Variants in BAZ1B observed in about 807,000 individuals in gnomAD.
BAZ1B encodes tyrosine-protein kinase BAZ1B.
BAZ1B carries 22 observed loss-of-function variants against 153.8 expected under a neutral mutation model. The observed-to-expected ratio is 0.14, with a 90% CI of 0.10 to 0.20. BAZ1B has a LOEUF of 0.20. Ranked by LOEUF, BAZ1B falls within the 10% of genes least tolerant of loss-of-function variation. The pLI is 1.00. For synonymous variants in BAZ1B, 676 were observed against 633.4 expected, an observed-to-expected ratio of 1.07 and a Z score of -1.01; for missense variants, 1,325 against 1,799.3, an observed-to-expected ratio of 0.74 and a Z score of 4.77.
chr7:73,454,165 A>G (rs1788113817), intron 13 of BAZ1B, among the ~76,000 whole-genome samples: 1 of 151,620 alleles, frequency 6.6e-6, no homozygotes, highest in Non-Finnish European at 1.5e-5. Context: ...TAAATAAATA[A>G]AAATTTAAAA....
chr7:73,461,819 G>A (rs1164669367), intron 12 of BAZ1B, among the ~76,000 whole-genome samples: 1 of 152,218 alleles, frequency 6.6e-6, no homozygotes, highest in African/African-American at 2.4e-5. Flanking sequence ...GCTGGGTGAG[G>A]TGGCTCATGC....
At chr7:73,501,553 A>G (rs1165919041) in intron 3 of BAZ1B, among the ~76,000 whole-genome samples, 1 of 152,154 alleles carries the variant, frequency 6.6e-6, no homozygotes, top group Non-Finnish European at 1.5e-5. Flanking sequence ...GATAGAGGCC[A>G]GGTATGCTGC....
rs782817800 is a variant in BAZ1B at position 73,476,955 on chromosome 7, CAGCTTCTGT to C, written c.2497_2505del (p.Thr833_Ala835del). On this transcript the variant is annotated inframe_deletion, in exon 7 of 20. Coordinates refer to ENST00000339594, the MANE Select transcript of BAZ1B (RefSeq NM_032408.4). ...CTCTTCACAGCACTAATCATGTCTT[CAGCTTCTGT>C]ATCTACTTGGGGCTCAAACTTCACA... is the stretch of plus-strand genomic sequence containing the variant. 6.8e-6 allele frequency: 11 copies of C among 1,614,212 alleles called. No individual in the cohort carries two copies. The South Asian group carries it at 8.8e-5, about 13-fold the overall frequency.
chr7:73,461,134 C>A (rs1380042929), intron 12 of BAZ1B, among the ~76,000 whole-genome samples: 1 of 151,988 alleles, frequency 6.6e-6, no homozygotes, highest in Non-Finnish European at 1.5e-5. Flanking sequence ...TGCCACCATA[C>A]CCAGCTAATT....
chr7:73,512,873 A>C (rs886451392), intron 1 of BAZ1B, among the ~76,000 whole-genome samples: 1 of 152,202 alleles, frequency 6.6e-6, no homozygotes. Flanking sequence ...GTATCTCCTG[A>C]GCTCAAGAGA....
chr7:73,521,173 C>G (rs1791021514), intron 1 of BAZ1B, among the ~76,000 whole-genome samples: 1 of 152,190 alleles, frequency 6.6e-6, no homozygotes, highest in South Asian at 2.1e-4. Context: ...TGTGTCTGCC[C>G]AGGGAAGGCA....
At chr7:73,459,403 ACAC>A in intron 13 of BAZ1B, 130 bp downstream of exon 13, 1 of 823,756 alleles carries the variant, frequency 1.2e-6, no homozygotes, top group Non-Finnish European at 1.8e-6. Context: ...AAAAAAAAAA[ACAC>A]ACACACACAC....
Position 73,470,074 on chromosome 7 carries a change from C to A in BAZ1B, c.2732+271G>T, listed in dbSNP as rs193206448. On this transcript the variant is annotated intron_variant, in intron 8 of 19. Transcript: ENST00000339594. The stretch of plus-strand genomic sequence containing the variant: ...AAATGTATGTATTTAAAACCTACTG[C>A]CATTTTTAAAGACTTGGATTACATT... Among the ~76,000 whole-genome samples the A allele has an allele frequency of 8.7e-4, 133 of 152,172 alleles. 1 individual carries two copies. The highest frequency in any genetic ancestry group is 8.7e-3 in the Admixed American group (133 of 15,276).
At chr7:73,462,342 T>TA in intron 12 of BAZ1B, 1 of 154,096 alleles carries the variant, frequency 6.5e-6, no homozygotes, top group African/African-American at 2.4e-5. Context: ...TTAAAATCAG[T>TA]AAAAAACGGT....
chr7:73,501,611 C>CTAAAGTTTGT (rs1790136528), intron 3 of BAZ1B, among the ~76,000 whole-genome samples: 1 of 152,106 alleles, frequency 6.6e-6, no homozygotes, highest in Non-Finnish European at 1.5e-5. Context: ...ATCATCTGTC[C>CTAAAGTTTGT]TAAAGTTTGT....
At chr7:73,463,148 A>T in intron 11 of BAZ1B, 49 bp from the exon 12 acceptor site, 1 of 1,483,242 alleles carries the variant, frequency 6.7e-7, no homozygotes, top group Non-Finnish European at 9.1e-7. Flanking sequence ...ACTTTTGAAG[A>T]TGTTCTTCAA....
intron 12 of BAZ1B, among the ~76,000 whole-genome samples, chr7:73,461,009 CTT>C (rs781804388): frequency 1.3e-5 from 2 of 151,318 alleles, no homozygotes; most frequent in African/African-American, 4.9e-5. Context: ...GAGTTTTGCT[CTT>C]GTCGTCCAGG....
intron 13 of BAZ1B, 151 bp downstream of exon 13, chr7:73,459,385 T>C (rs1554569999): frequency 2.6e-6 from 2 of 764,288 alleles, no homozygotes; most frequent in Non-Finnish European, 4.1e-6. Flanking sequence ...GGGTAGAAAG[T>C]GATTAAAAAA....
intron 1 of BAZ1B, among the ~76,000 whole-genome samples, chr7:73,511,819 G>A (rs1199480784): frequency 1.3e-5 from 2 of 149,030 alleles, no homozygotes; most frequent in Non-Finnish European, 3.0e-5. Context: ...TCAGATGTTC[G>A]AGACCAGCCT....
At chr7:73,480,916 A>G (rs782024048) in intron 6 of BAZ1B, among the ~76,000 whole-genome samples, 2 of 152,082 alleles carry the variant, frequency 1.3e-5, no homozygotes, top group African/African-American at 2.4e-5. Flanking sequence ...TGTACTATAA[A>G]GCCATTTAAA....
At chr7:73,468,809 A>C (rs1323516194) in intron 9 of BAZ1B, among the ~76,000 whole-genome samples, 2 of 152,158 alleles carry the variant, frequency 1.3e-5, no homozygotes, top group Admixed American at 6.5e-5. Context: ...GATTCAGCAT[A>C]AACACTGAAT....
chr7:73,467,646 T>C (rs782179659), intron 9 of BAZ1B, among the ~76,000 whole-genome samples: 3 of 152,180 alleles, frequency 2.0e-5, no homozygotes, highest in Non-Finnish European at 2.9e-5. Context: ...GCTGGGATTA[T>C]AGGCATCAGC....
chr7:73,470,600 T>A, intron 7 of BAZ1B, 117 bp from the exon 8 acceptor site: 1 of 1,225,072 alleles, frequency 8.2e-7, no homozygotes. Flanking sequence ...AATCTTAGTT[T>A]GCTTTCTCTA....
At chr7:73,473,752 C>T (rs1158364144) in intron 7 of BAZ1B, among the ~76,000 whole-genome samples, 5 of 152,148 alleles carry the variant, frequency 3.3e-5, no homozygotes, top group Non-Finnish European at 5.9e-5. Flanking sequence ...CTTTAGGAGG[C>T]TGAAGCAGGA....
Sources: gnomAD v4.1 joint callset for allele counts (sites outside exome capture counted in the v4.1 genomes callset) on GRCh38, gnomAD v4.1.1 for gene constraint, MANE v1.5 for transcripts, NCBI Gene and HGNC (gene_info 2026-07-23, HGNC 2026-07-21) for gene names.